IMMP2L: variants seen among roughly 807,000 people sequenced by gnomAD.
The protein encoded by IMMP2L is inner mitochondrial membrane peptidase subunit 2, also known as mitochondrial inner membrane protease subunit 2.
IMMP2L carries 18 observed loss-of-function variants against 19.3 expected under a neutral mutation model. The observed-to-expected ratio is 0.93, with a 90% CI of 0.64 to 1.38. IMMP2L has a LOEUF of 1.38. Among genes scored for constraint, IMMP2L ranks in the 40% most tolerant of loss-of-function variants. The pLI, the probability that IMMP2L is intolerant of heterozygous loss-of-function variation, is 0.00. For synonymous variants in IMMP2L, 76 were observed against 73.0 expected (o/e 1.04, Z -0.21); for missense variants, 233 against 218.2 (o/e 1.07, Z -0.43).
intron 5 of IMMP2L, among the ~76,000 whole-genome samples, chr7:110,684,769 G>C (rs1792989725): frequency 6.6e-6 from 1 of 151,976 alleles, no homozygotes; most frequent in African/African-American, 2.4e-5. Flanking sequence ...CTCTCCCGGT[G>C]CTAAGAAACT....
At chr7:111,183,735 G>C (rs1487836499) in intron 3 of IMMP2L, among the ~76,000 whole-genome samples, 1 of 151,972 alleles carries the variant, frequency 6.6e-6, no homozygotes, top group Non-Finnish European at 1.5e-5. Flanking sequence ...AGGCATATTT[G>C]TAGTTCATCG....
At chr7:111,214,996 A>C (rs1411113003) in intron 3 of IMMP2L, among the ~76,000 whole-genome samples, 3 of 152,062 alleles carry the variant, frequency 2.0e-5, no homozygotes, top group Non-Finnish European at 4.4e-5. Flanking sequence ...AAAATCAAAA[A>C]CCAGTTCTTG....
chr7:111,204,174 C>T (rs1440939686), intron 3 of IMMP2L, among the ~76,000 whole-genome samples: 3 of 152,090 alleles, frequency 2.0e-5, no homozygotes, highest in Non-Finnish European at 2.9e-5. Context: ...AATGTTTCAA[C>T]GACTGAGACA....
chr7:110,817,263 G>T (rs1802608321), intron 5 of IMMP2L, among the ~76,000 whole-genome samples: 1 of 152,098 alleles, frequency 6.6e-6, no homozygotes, highest in Non-Finnish European at 1.5e-5. Context: ...CTTCAGCAAA[G>T]TCTCAGGATA....
intron 3 of IMMP2L, among the ~76,000 whole-genome samples, chr7:111,361,887 A>T (rs888704225): frequency 3.3e-5 from 5 of 152,148 alleles, no homozygotes. Context: ...TTAGGTTCTA[A>T]AAAGGAAGCT....
chr7:111,063,532 A>C (rs1436812401), intron 3 of IMMP2L, among the ~76,000 whole-genome samples: 1 of 152,178 alleles, frequency 6.6e-6, no homozygotes, highest in East Asian at 1.9e-4. Context: ...ATTTCTCCTC[A>C]GAAAATGGGA....
At chr7:111,008,908 G>A (rs1232805056) in intron 3 of IMMP2L, among the ~76,000 whole-genome samples, 1 of 152,024 alleles carries the variant, frequency 6.6e-6, no homozygotes, top group Non-Finnish European at 1.5e-5. Flanking sequence ...ACAAAAGCAG[G>A]AATATGAATG....
intron 5 of IMMP2L, among the ~76,000 whole-genome samples, chr7:110,825,348 T>C (rs1396672411): frequency 6.6e-6 from 1 of 152,098 alleles, no homozygotes; most frequent in African/African-American, 2.4e-5. Flanking sequence ...TTAAAGTTCA[T>C]ATGGAACCAA....
intron 3 of IMMP2L, among the ~76,000 whole-genome samples, chr7:111,108,188 G>C (rs1798765412): frequency 1.3e-5 from 2 of 152,118 alleles, no homozygotes; most frequent in Admixed American, 1.3e-4. Context: ...ATCACTATCA[G>C]CTGGCAACAA....
intron 3 of IMMP2L, among the ~76,000 whole-genome samples, chr7:111,007,942 T>G (rs1002553068): frequency 5.9e-5 from 9 of 152,108 alleles, no homozygotes; most frequent in African/African-American, 2.2e-4. Context: ...CCTTCCGGGT[T>G]AAAAACATTA....
intron 1 of IMMP2L, among the ~76,000 whole-genome samples, chr7:111,550,330 G>A (rs1435266038): frequency 1.3e-5 from 2 of 152,030 alleles, no homozygotes; most frequent in East Asian, 3.9e-4. Flanking sequence ...CACAACCCAA[G>A]ATTTTTAGGC....
chr7:111,249,623 T>C (rs940872739), intron 3 of IMMP2L, among the ~76,000 whole-genome samples: 18 of 152,128 alleles, frequency 1.2e-4, no homozygotes, highest in Non-Finnish European at 2.2e-4. Flanking sequence ...AAAGTCATAT[T>C]TGTAATTCAT....
At chr7:111,281,495 T>C (rs1357562552) in intron 3 of IMMP2L, among the ~76,000 whole-genome samples, 4 of 152,164 alleles carry the variant, frequency 2.6e-5, no homozygotes, top group Non-Finnish European at 5.9e-5. Context: ...GTCTATACTT[T>C]ATATACTTCA....
At chr7:111,412,654 T>G (rs1336882234) in intron 3 of IMMP2L, among the ~76,000 whole-genome samples, 3 of 151,882 alleles carry the variant, frequency 2.0e-5, no homozygotes, top group African/African-American at 4.9e-5. Context: ...TCCCCAAATG[T>G]GCTACACACT....
intron 5 of IMMP2L, among the ~76,000 whole-genome samples, chr7:110,874,072 T>C (rs1200489347): frequency 6.6e-6 from 1 of 152,158 alleles, no homozygotes; most frequent in Admixed American, 6.6e-5. Flanking sequence ...TTTGTGCATA[T>C]ACAAATGATT....
At position 110,958,276 on chromosome 7, in the gene IMMP2L, TAAC is replaced by T. The variant is rs546614711; in HGVS notation, c.305+5221_305+5223del. Reference sequence around the variant, plus strand: ...TGGCAGTATATATTGGAACTAAAAATAACAACCACAATAACAACAATAACAAAC... The same window carrying T: ...TGGCAGTATATATTGGAACTAAAAATAACCACAATAACAACAATAACAAAC... On this transcript the variant is annotated intron_variant, in intron 4 of 5. Transcript: ENST00000405709. Among the ~76,000 whole-genome samples, 58 of 152,122 alleles carry T rather than the reference TAAC, an allele frequency of 3.8e-4. No individual in the cohort carries two copies. In the East Asian group the frequency reaches 8.6e-3, roughly 22 times the overall value.
At chr7:110,979,664 C>T (rs1400409114) in intron 3 of IMMP2L, among the ~76,000 whole-genome samples, 1 of 150,656 alleles carries the variant, frequency 6.6e-6, no homozygotes, top group Non-Finnish European at 1.5e-5. Context: ...GAAAGGGAGA[C>T]AGAAAGGCAG....
At chr7:111,072,870 T>A (rs1046002101) in intron 3 of IMMP2L, among the ~76,000 whole-genome samples, 3 of 146,650 alleles carry the variant, frequency 2.0e-5, no homozygotes, top group African/African-American at 7.7e-5. Flanking sequence ...ACCACTGCAT[T>A]CCAGCCTGGG....
At chr7:110,908,943 T>G (rs1485369572) in intron 4 of IMMP2L, among the ~76,000 whole-genome samples, 4 of 152,182 alleles carry the variant, frequency 2.6e-5, no homozygotes, top group Non-Finnish European at 5.9e-5. Context: ...ATTAATCAAG[T>G]AATCATTTAA....
Sources: gnomAD v4.1 joint callset for allele counts (sites outside exome capture counted in the v4.1 genomes callset) on GRCh38, gnomAD v4.1.1 for gene constraint, MANE v1.5 for transcripts, NCBI Gene and HGNC (gene_info 2026-07-23, HGNC 2026-07-21) for gene names.